SLC4A9: variants seen among roughly 807,000 people sequenced by gnomAD.
SLC4A9 encodes solute carrier family 4 member 9.
SLC4A9 carries 102 observed loss-of-function variants against 103.2 expected under a neutral mutation model. The ratio of observed to expected loss-of-function variants is 0.99; its 90% CI spans 0.84 to 1.17. The LOEUF (loss-of-function observed/expected upper bound fraction) is 1.17. Among genes scored for constraint, SLC4A9 ranks in the 50% most tolerant of loss-of-function variants. SLC4A9 has a pLI of 0.00. For synonymous variants in SLC4A9, 453 were observed against 483.6 expected (o/e 0.94, Z 0.83); for missense variants, 1,091 against 1,193.7 (o/e 0.91, Z 1.27).
At chr5:140,367,619 G>A (rs1414740842) in intron 15 of SLC4A9, 38 bp downstream of exon 15, 4 of 1,599,378 alleles carry the variant, frequency 2.5e-6, no homozygotes, top group Non-Finnish European at 2.6e-6. Flanking sequence ...CCAAGGGACA[G>A]AAGCTCCAGG....
chr5:140,369,261 G>A (rs1372845939), intron 17 of SLC4A9, among the ~76,000 whole-genome samples: 3 of 146,352 alleles, frequency 2.0e-5, no homozygotes, highest in African/African-American at 7.6e-5. Flanking sequence ...ATCACTGGAT[G>A]ACAAGAGCAA....
chr5:140,367,488 A>G lies in SLC4A9; in HGVS notation c.2082A>G (p.Ala694=), dbSNP rs1378329625. The G allele has an allele frequency of 6.2e-7, 1 of 1,606,792 alleles. No homozygotes were observed. Among genetic ancestry groups the G allele is most frequent in the East Asian group, 2.2e-5 (1 of 44,604 alleles). ...CCAACCCCTGGTGGTGGAGTGTGGCAGCTGCCCTGCCTGCCCTGCTGCTGT... is the reference window on the plus strand; with the variant it reads ...CCAACCCCTGGTGGTGGAGTGTGGCGGCTGCCCTGCCTGCCCTGCTGCTGT... ...FGANPWWWSV[A]AALPALLLSI... Residue 694 remains alanine (A), a synonymous_variant, in exon 15 of 22, where the codon GCA becomes GCG. Coordinates refer to ENST00000506757, the MANE Select transcript of SLC4A9 (RefSeq NM_031467.3).
rs1482838111 is a variant in SLC4A9, at chr5:140,361,262, A to G, written c.400A>G (p.Thr134Ala). The change falls in exon 3 of 22, where the codon ACC (threonine) becomes GCC (alanine). Residue 134 changes from threonine (T) to alanine (A), a missense_variant. Coordinates refer to ENST00000506757, the MANE Select transcript of SLC4A9 (RefSeq NM_031467.3). ...QSLLELVEQV[T>A]RVESLSPELR... ...CCCAATCCATTCTCCAGAGCAGGTGACCAGGGTGGAGTCGCTGAGCCCAGA... is the reference window on the plus strand; with the variant it reads ...CCCAATCCATTCTCCAGAGCAGGTGGCCAGGGTGGAGTCGCTGAGCCCAGA... 3.2e-6 allele frequency: 5 copies of G among 1,563,826 alleles called. No individual in the cohort carries two copies. The Admixed American group carries it at 7.6e-5, about 24-fold the overall frequency.
At chr5:140,370,332 G>A (rs1028436375) in intron 17 of SLC4A9, among the ~76,000 whole-genome samples, 1 of 151,200 alleles carries the variant, frequency 6.6e-6, no homozygotes, top group African/African-American at 2.4e-5. Context: ...GGCGTGGTGG[G>A]GGGTGCCTAT....
At chr5:140,371,247 A>C in intron 18 of SLC4A9, 84 bp downstream of exon 18, 1 of 1,477,920 alleles carries the variant, frequency 6.8e-7, no homozygotes, top group Non-Finnish European at 9.3e-7. Context: ...TAGCAACCCT[A>C]CTCCTTTTTT....
At chr5:140,369,822 C>T (rs1487165792) in intron 17 of SLC4A9, among the ~76,000 whole-genome samples, 7 of 151,700 alleles carry the variant, frequency 4.6e-5, no homozygotes, top group Admixed American at 2.0e-4. Context: ...TGCAACATGG[C>T]GAAACCCCGT....
chr5:140,363,102 C>G lies in SLC4A9; in HGVS notation c.962+36C>G, dbSNP rs780145636. 1 of 1,599,532 alleles carries G rather than the reference C, an allele frequency of 6.3e-7. No homozygotes were observed. Among genetic ancestry groups the G allele is most frequent in the African/African-American group, 1.4e-5 (1 of 73,882 alleles). On this transcript the variant is annotated intron_variant, in intron 7 of 21. Transcript: ENST00000506757. This position sits in a 1 kb window ranked among gnomAD's most constrained non-coding sequence, Gnocchi z 4.5. ...GCCATCATCCCATACAGATTCCTGCCCATATAGGCCCTGGGTCTAATTCCA... is the reference window on the plus strand; with the variant it reads ...GCCATCATCCCATACAGATTCCTGCGCATATAGGCCCTGGGTCTAATTCCA...
chr5:140,371,775 G>A (rs536797073), intron 19 of SLC4A9, among the ~76,000 whole-genome samples, 151 bp downstream of exon 19: 19 of 152,322 alleles, frequency 1.2e-4, no homozygotes, highest in Non-Finnish European at 1.6e-4. Context: ...AGAAAAAGAT[G>A]GCAGGATGAT....
intron 11 of SLC4A9, 144 bp from the exon 12 acceptor site, chr5:140,365,376 C>T: frequency 5.9e-6 from 4 of 674,960 alleles, no homozygotes; most frequent in Non-Finnish European, 7.8e-6. Flanking sequence ...CCTTCTCGCA[C>T]ACTTGGTAGT....
In SLC4A9 at chr5:140,368,484, T is replaced by C. The variant is rs1048845749; in HGVS notation, c.2355-103T>C. On this transcript the variant is annotated intron_variant, in intron 16 of 21. Coordinates refer to ENST00000506757, the MANE Select transcript of SLC4A9 (RefSeq NM_031467.3). ...GACCTACTGGGGTATTCCTCTAGTT[T>C]TCTCTTGCTGCCGGGGTCTGTACTG... 5 of 929,694 alleles carry C rather than the reference T, an allele frequency of 5.4e-6. No homozygotes were observed. The African/African-American group carries it at 6.7e-5, about 12-fold the overall frequency. 57.6% of individuals were successfully genotyped at this position (929,694 alleles called of 1,614,324 possible). A position where few individuals can be genotyped will look rare whatever the true frequency, so the allele number is the denominator to read the frequency against.
chr5:140,371,588 CAA>C lies in SLC4A9; in HGVS notation c.2635_2636del (p.Lys879ValfsTer36), dbSNP rs914890994. On this transcript the variant is annotated frameshift_variant, in exon 19 of 22. Coordinates refer to ENST00000506757, the MANE Select transcript of SLC4A9 (RefSeq NM_031467.3). LOFTEE classifies it high-confidence loss of function. ...CCTGTCTGGGGCTGCTTTGGATAAT[CAA>C]GTCTACCCCTGCAGCCATCATCTTC... Reference protein sequence around the residue: ...LACLGLLWIIKSTPAAIIFPL... With the variant: ...LACLGLLWIIXSTPAAIIFPL... The C allele has an allele frequency of 6.2e-7, 1 of 1,613,882 alleles. No homozygotes were observed. The highest frequency in any genetic ancestry group is 1.3e-5 in the African/African-American group (1 of 74,914).
At chr5:140,369,562 C>G (rs1768389581) in intron 17 of SLC4A9, among the ~76,000 whole-genome samples, 1 of 152,060 alleles carries the variant, frequency 6.6e-6, no homozygotes, top group Admixed American at 6.6e-5. Flanking sequence ...GAATGTCAGA[C>G]AAGGGTCACT....
chr5:140,361,917 A>T, intron 4 of SLC4A9, 54 bp downstream of exon 4: 2 of 1,613,560 alleles, frequency 1.2e-6, no homozygotes, highest in South Asian at 2.2e-5. Flanking sequence ...GGGGTTAGAA[A>T]TTAACAAAAG....
At position 140,367,786 on chromosome 5, in the gene SLC4A9, G is replaced by A. The variant is rs1352854288; in HGVS notation, c.2242G>A (p.Gly748Arg). 6.2e-7 allele frequency: 1 copy of A among 1,614,000 alleles called. No homozygotes were observed. The highest frequency in any genetic ancestry group is 8.5e-7 in the Non-Finnish European group (1 of 1,179,900). Residue 748 changes from glycine to arginine, a missense_variant, in exon 16 of 22, where the codon GGA becomes AGA. Physicochemically the swap from Gly to Arg is moderately radical, Grantham distance 125. Transcript: ENST00000506757. Reference sequence around the variant, plus strand: ...GCTGATGCTACTCACATCAGCGCTTGGACTGCCTTGGTATGTCTCAGCCAC... The same window carrying A: ...GCTGATGCTACTCACATCAGCGCTTAGACTGCCTTGGTATGTCTCAGCCAC... Reference protein sequence around the residue: ...AVLMLLTSALGLPWYVSATVI... With the variant: ...AVLMLLTSALRLPWYVSATVI...
In SLC4A9 at chr5:140,364,178, C is replaced by T. The variant is rs753554597; in HGVS notation, c.1379C>T (p.Ser460Phe). ...CTGGTCTTTGAGCGCCTGCTCTTCT[C>T]TTTCAGCAGGTAGGAGAGCTCCCCC... is the stretch of plus-strand genomic sequence containing the variant. ...PVLVFERLLF[S>F]FSRDYSLDYL... The change falls in exon 10 of 22, where the codon TCT becomes TTT. Residue 460 changes from serine (S) to phenylalanine (F), a missense_variant. By Grantham distance (155) the Ser-to-Phe change is radical. Transcript: ENST00000506757. The T allele has an allele frequency of 1.3e-6, 2 of 1,568,284 alleles. No individual in the cohort carries two copies. Among genetic ancestry groups the T allele is most frequent in the Non-Finnish European group, 1.7e-6 (2 of 1,156,982 alleles).
At chr5:140,360,733 T>TC (rs1414032987) in intron 1 of SLC4A9, 79 bp from the exon 2 acceptor site, 4 of 1,595,156 alleles carry the variant, frequency 2.5e-6, no homozygotes, top group Non-Finnish European at 3.4e-6. Flanking sequence ...TGCCTTGCCT[T>TC]CCCTAGCTCC....
rs201085517 is a variant in SLC4A9 at position 140,365,919 on chromosome 5, C to T, written c.1796C>T (p.Thr599Ile). The T allele has an allele frequency of 1.3e-4, 212 of 1,613,930 alleles. No homozygotes were observed. Among genetic ancestry groups the T allele is most frequent in the Non-Finnish European group, 1.7e-4 (204 of 1,179,914 alleles). Residue 599 changes from threonine to isoleucine, a missense_variant, in exon 13 of 22, where the codon ACA becomes ATA. By Grantham distance (89) the Thr-to-Ile change is moderately conservative (BLOSUM62 -1). Coordinates refer to ENST00000506757, the MANE Select transcript of SLC4A9 (RefSeq NM_031467.3). ...CACCCTCGTGGCCCTGGCTGTCATA[C>T]AGTCCCAGACATTGCCTTCTTCTCC... ...GGHPRGPGCH[T>I]VPDIAFFSLL...
Position 140,363,517 on chromosome 5 carries a change from G to T in SLC4A9, c.1041G>T (p.Gly347=), listed in dbSNP as rs1460000777. The T allele has an allele frequency of 2.6e-6, 4 of 1,552,612 alleles. No individual in the cohort carries two copies. In the Admixed American group the frequency reaches 7.8e-5, roughly 30 times the overall value. ...LTSAEDRHRH[G]PHAHSPELQR... ...CGGCTGAGGACAGGCACCGCCATGG[G>T]CCACACGCACACAGCCCGGAGTTGC... The change falls in exon 8 of 22, where the codon GGG becomes GGT. Residue 347 remains glycine, a synonymous_variant. Transcript: ENST00000506757. This position sits in a 1 kb window ranked among gnomAD's most constrained non-coding sequence, Gnocchi z 4.5.
chr5:140,366,449 G>A (rs191743594), intron 14 of SLC4A9, among the ~76,000 whole-genome samples, 185 bp downstream of exon 14: 43 of 152,334 alleles, frequency 2.8e-4, no homozygotes, highest in Admixed American at 2.5e-3. Flanking sequence ...CAGCAGACAC[G>A]TGAGTACAGA....
Sources: gnomAD v4.1 joint callset for allele counts (sites outside exome capture counted in the v4.1 genomes callset) on GRCh38, gnomAD v4.1.1 for gene constraint, Gnocchi (gnomAD v3.1) non-coding constraint, MANE v1.5 for transcripts, NCBI Gene and HGNC (gene_info 2026-07-23, HGNC 2026-07-21) for gene names.